Variants in ZMYND11 observed in about 807,000 individuals in gnomAD.
The protein encoded by ZMYND11 is zinc finger MYND-type containing 11.
Under a neutral mutation model 84.9 loss-of-function variants are expected in ZMYND11, and 9 were observed. The observed-to-expected ratio is 0.11, with a 90% CI of 0.06 to 0.18. The LOEUF (loss-of-function observed/expected upper bound fraction) is 0.18. ZMYND11 is among the 10% of genes least tolerant of loss of function. The pLI, the probability that ZMYND11 is intolerant of heterozygous loss-of-function variation, is 1.00. For synonymous variants in ZMYND11, 250 were observed against 244.1 expected (o/e 1.02, Z -0.23); for missense variants, 409 against 761.0 (o/e 0.54, Z 5.44).
intron 4 of ZMYND11, among the ~76,000 whole-genome samples, chr10:233,083 T>G (rs1215948889): frequency 1.3e-5 from 2 of 152,238 alleles, no homozygotes; most frequent in African/African-American, 4.8e-5. Flanking sequence ...AGGAAGTTGG[T>G]GCAGTGCTCT....
chr10:229,920 A>G (rs1224005511), intron 4 of ZMYND11, among the ~76,000 whole-genome samples: 3 of 152,222 alleles, frequency 2.0e-5, no homozygotes, highest in African/African-American at 7.2e-5. Context: ...CTGTAACAAC[A>G]TAGAATCAAA....
At chr10:240,374 T>A (rs549691635) in intron 8 of ZMYND11, among the ~76,000 whole-genome samples, 124 of 152,134 alleles carry the variant, frequency 8.2e-4, no homozygotes, top group Non-Finnish European at 1.3e-3. Flanking sequence ...TGTGGTGGTG[T>A]ACGCCTGTAG....
chr10:175,460 A>G (rs1261873303), intron 1 of ZMYND11, among the ~76,000 whole-genome samples: 19 of 152,176 alleles, frequency 1.2e-4, no homozygotes, highest in Admixed American at 1.2e-3. Context: ...CCTAGCTACA[A>G]CGGGAGGCTG....
At chr10:158,961 A>T (rs1842314625) in intron 1 of ZMYND11, among the ~76,000 whole-genome samples, 1 of 118,948 alleles carries the variant, frequency 8.4e-6, no homozygotes. Flanking sequence ...TCTTTATCAG[A>T]TATATGATTT....
intron 4 of ZMYND11, among the ~76,000 whole-genome samples, chr10:223,381 A>C (rs567495804): frequency 6.6e-6 from 1 of 152,210 alleles, no homozygotes; most frequent in South Asian, 2.1e-4. Context: ...AATTTAAAAA[A>C]TTTTTACACT....
intron 2 of ZMYND11, among the ~76,000 whole-genome samples, chr10:182,279 T>C (rs1172352660): frequency 6.6e-6 from 1 of 152,214 alleles, no homozygotes; most frequent in Non-Finnish European, 1.5e-5. Context: ...TATACACATG[T>C]TAAACTGTAG....
chr10:136,002 C>T (rs1835926830), intron 1 of ZMYND11, among the ~76,000 whole-genome samples: 1 of 150,974 alleles, frequency 6.6e-6, no homozygotes, highest in Non-Finnish European at 1.5e-5. Context: ...GTGTGGCGGG[C>T]GGAGAGGAAG....
At chr10:146,733 T>C (rs1217882587) in intron 1 of ZMYND11, among the ~76,000 whole-genome samples, 3 of 152,214 alleles carry the variant, frequency 2.0e-5, no homozygotes, top group Non-Finnish European at 4.4e-5. Context: ...GTAGCTCCCA[T>C]AATCCCCACA....
rs530141069 is a variant in ZMYND11, at chr10:189,137, C to T, written c.116+9009C>T. Among the ~76,000 whole-genome samples, 90 of 152,302 alleles carry T rather than the reference C, an allele frequency of 5.9e-4. 3 individuals are homozygous for T. In the South Asian group the frequency reaches 0.013, roughly 22 times the overall value. ...CCCAGTTAGAAAATGTGACCTCTGA[C>T]CTCTTGTGACATGTTTGGCATTGAC... On this transcript the variant is annotated intron_variant, in intron 2 of 14. Coordinates refer to ENST00000381604, the MANE Select transcript of ZMYND11 (RefSeq NM_001370100.5).
At chr10:160,362 C>G (rs1842690010) in intron 1 of ZMYND11, among the ~76,000 whole-genome samples, 1 of 152,204 alleles carries the variant, frequency 6.6e-6, no homozygotes, top group African/African-American at 2.4e-5. Context: ...TCATCTGAGC[C>G]TTCAGGGAAT....
At chr10:166,989 A>C (rs1236548127) in intron 1 of ZMYND11, among the ~76,000 whole-genome samples, 1 of 152,186 alleles carries the variant, frequency 6.6e-6, no homozygotes. Flanking sequence ...AATAAGACAG[A>C]CACAAAAGGA....
intron 1 of ZMYND11, among the ~76,000 whole-genome samples, chr10:167,071 C>G (rs1844176178): frequency 6.6e-6 from 1 of 151,978 alleles, no homozygotes; most frequent in Admixed American, 6.6e-5. Flanking sequence ...TTTGAGGATG[C>G]TAGGGGCTTG....
chr10:235,093 G>A (rs968791891), intron 4 of ZMYND11, among the ~76,000 whole-genome samples: 3 of 151,882 alleles, frequency 2.0e-5, no homozygotes, highest in Non-Finnish European at 2.9e-5. Context: ...TTTCGCCATT[G>A]CACGTATTTC....
intron 1 of ZMYND11, among the ~76,000 whole-genome samples, chr10:174,124 G>T (rs1554766366): frequency 6.6e-6 from 1 of 152,150 alleles, no homozygotes; most frequent in East Asian, 1.9e-4. Context: ...TAGCAGCTTT[G>T]TTTTGATTGC....
upstream of ZMYND11, among the ~76,000 whole-genome samples, chr10:132,669 A>G (rs1835340031): frequency 6.6e-6 from 1 of 152,194 alleles, no homozygotes; most frequent in Admixed American, 6.5e-5. Flanking sequence ...AATGAGACTA[A>G]ACCCTAACTC....
chr10:230,197 G>A (rs998788256), intron 4 of ZMYND11, among the ~76,000 whole-genome samples: 10 of 151,994 alleles, frequency 6.6e-5, no homozygotes, highest in African/African-American at 9.7e-5. Context: ...GTCTCCTACC[G>A]AGCGCGGTAG....
Position 156,671 on chromosome 10 carries a change from A to G in ZMYND11, c.-20+21112A>G, listed in dbSNP as rs186156299. ...ATAACTAGTTCCCTAACCTTCAGATAATGTGAGAACCATAAATTTGGAAGT... is the reference window on the plus strand; with the variant it reads ...ATAACTAGTTCCCTAACCTTCAGATGATGTGAGAACCATAAATTTGGAAGT... On this transcript the variant is annotated intron_variant, in intron 1 of 14. Coordinates refer to ENST00000381604, the MANE Select transcript of ZMYND11 (RefSeq NM_001370100.5). 8.1e-4 allele frequency among the ~76,000 whole-genome samples: 124 copies of G among 152,358 alleles called. 1 individual carries two copies. The highest frequency in any genetic ancestry group is 8.8e-5 in the Non-Finnish European group (6 of 68,024).
At chr10:130,962 A>G (rs1177345084), upstream of ZMYND11, among the ~76,000 whole-genome samples, 12 of 152,264 alleles carry the variant, frequency 7.9e-5, no homozygotes, top group Admixed American at 6.5e-4. Context: ...TACCAAAAAT[A>G]CAAAATTAGC....
intron 12 of ZMYND11, 58 bp downstream of exon 12, chr10:247,524 G>A: frequency 4.5e-6 from 7 of 1,540,770 alleles, no homozygotes; most frequent in South Asian, 1.2e-5. Flanking sequence ...TATTTTCAAA[G>A]TATTTTGTAT....
Sources: allele counts gnomAD v4.1 joint callset (sites outside exome capture counted in the v4.1 genomes callset), GRCh38; gene constraint gnomAD v4.1.1; transcripts MANE v1.5; gene names NCBI Gene and HGNC (gene_info 2026-07-23, HGNC 2026-07-21).